Variants in AKT3 observed in about 807,000 individuals in gnomAD.
AKT3 encodes the protein RAC-gamma serine/threonine-protein kinase.
Under a neutral mutation model 65.3 loss-of-function variants are expected in AKT3, and 15 were observed. That is an observed-to-expected ratio of 0.23 (90% CI 0.15 to 0.35). The LOEUF is 0.35. Ranked by LOEUF, AKT3 falls within the 10% of genes least tolerant of loss-of-function variation. The pLI, the probability that AKT3 is intolerant of heterozygous loss-of-function variation, is 1.00. For missense variants in AKT3, 243 were observed against 576.5 expected (o/e 0.42, Z 5.92); for synonymous variants, 206 against 183.8 (o/e 1.12, Z -0.98).
intron 2 of AKT3, among the ~76,000 whole-genome samples, chr1:243,718,719 C>T (rs564267722): frequency 5.3e-5 from 8 of 152,078 alleles, no homozygotes; most frequent in South Asian, 2.1e-4. Flanking sequence ...GTGATCTGCC[C>T]GCCTCGGCCT....
intron 12 of AKT3, among the ~76,000 whole-genome samples, chr1:243,519,712 T>C (rs1456344837): frequency 6.6e-6 from 1 of 152,140 alleles, no homozygotes; most frequent in Admixed American, 6.5e-5. Context: ...AGAGCTTTCA[T>C]GAGAAATCAT....
chr1:243,609,334 C>CTGTGTG (rs72249798), intron 8 of AKT3, among the ~76,000 whole-genome samples: 10,192 of 148,078 alleles, frequency 0.069, 714 homozygotes, highest in African/African-American at 0.18. Flanking sequence ...TTTTCATTTT[C>CTGTGTG]TGTGTGTGTG....
chr1:243,846,967 A>C (rs769044801), intron 1 of AKT3, among the ~76,000 whole-genome samples: 2 of 152,228 alleles, frequency 1.3e-5, no homozygotes, highest in Admixed American at 6.5e-5. Context: ...ACTGCTTACC[A>C]GGCATTGGTT....
At position 243,602,811 on chromosome 1, in the gene AKT3, A is replaced by T. The variant is rs1677111257; in HGVS notation, c.696+10860T>A. Among the ~76,000 whole-genome samples the T allele has an allele frequency of 1.3e-5, 2 of 152,216 alleles. 1 individual carries two copies. Among genetic ancestry groups the T allele is most frequent in the African/African-American group, 4.8e-5 (2 of 41,464 alleles). On this transcript the variant is annotated intron_variant, in intron 8 of 13. Transcript: ENST00000673466. ...ATTACAACCTACATAAAGAAAATAGAGGAATGTGAAGAATTTATCAGATGA... is the reference window on the plus strand; with the variant it reads ...ATTACAACCTACATAAAGAAAATAGTGGAATGTGAAGAATTTATCAGATGA...
chr1:243,633,093 T>C (rs914114306), intron 6 of AKT3, among the ~76,000 whole-genome samples: 2 of 152,162 alleles, frequency 1.3e-5, no homozygotes, highest in African/African-American at 2.4e-5. Flanking sequence ...CAGAAGGCAA[T>C]TGGTTGATAC....
At chr1:243,700,510 T>G (rs1229078141) in intron 2 of AKT3, among the ~76,000 whole-genome samples, 1 of 151,210 alleles carries the variant, frequency 6.6e-6, no homozygotes, top group Admixed American at 6.6e-5. Context: ...TAGTCTATTT[T>G]TTTTTTTTTT....
chr1:243,670,055 C>A (rs1683060638), intron 3 of AKT3, among the ~76,000 whole-genome samples: 1 of 152,190 alleles, frequency 6.6e-6, no homozygotes, highest in Non-Finnish European at 1.5e-5. Flanking sequence ...ACTGATCATT[C>A]TACCCATGTA....
intron 6 of AKT3, among the ~76,000 whole-genome samples, chr1:243,623,816 T>C (rs1262118313): frequency 1.3e-5 from 2 of 152,216 alleles, no homozygotes; most frequent in Non-Finnish European, 2.9e-5. Context: ...CATGAGCCAA[T>C]TTCCCAGTGA....
chr1:243,624,938 C>A, intron 6 of AKT3: 2 of 246,092 alleles, frequency 8.1e-6, no homozygotes, highest in South Asian at 1.3e-4. Flanking sequence ...GACTGATAAT[C>A]ACTCTTGGTT....
intron 12 of AKT3, among the ~76,000 whole-genome samples, chr1:243,517,237 T>A (rs1384643832): frequency 6.6e-6 from 1 of 152,194 alleles, no homozygotes; most frequent in Non-Finnish European, 1.5e-5. Flanking sequence ...CAACATATGG[T>A]ACACTGTGAT....
At chr1:243,547,677 A>G (rs946783447) in intron 11 of AKT3, among the ~76,000 whole-genome samples, 3 of 152,212 alleles carry the variant, frequency 2.0e-5, no homozygotes, top group African/African-American at 7.2e-5. Context: ...GTAGGTCAGA[A>G]ATCATTTATA....
intron 12 of AKT3, among the ~76,000 whole-genome samples, chr1:243,535,859 T>C (rs1671890226): frequency 6.6e-6 from 1 of 152,200 alleles, no homozygotes. Flanking sequence ...AAGCATTCCC[T>C]TTTTACCGCA....
chr1:243,538,930 CAT>C (rs553198303), intron 12 of AKT3, among the ~76,000 whole-genome samples: 120 of 152,084 alleles, frequency 7.9e-4, no homozygotes, highest in African/African-American at 2.4e-3. Flanking sequence ...CTTCAAAACA[CAT>C]GAGGCAAAAC....
intron 2 of AKT3, among the ~76,000 whole-genome samples, chr1:243,801,500 A>C (rs1048482735): frequency 1.3e-5 from 2 of 152,216 alleles, no homozygotes; most frequent in African/African-American, 2.4e-5. Flanking sequence ...ATTTCATTTA[A>C]ACACTACTGA....
chr1:243,726,196 C>T (rs569299534), intron 2 of AKT3, among the ~76,000 whole-genome samples: 1 of 152,188 alleles, frequency 6.6e-6, no homozygotes, highest in Admixed American at 6.5e-5. Flanking sequence ...GGTTAACCCA[C>T]GCCCCAATAT....
intron 12 of AKT3, among the ~76,000 whole-genome samples, chr1:243,533,786 C>T (rs1370145408): frequency 4.0e-5 from 6 of 151,846 alleles, no homozygotes; most frequent in South Asian, 2.1e-4. Context: ...GTCAGGAGAT[C>T]GAGACCATCC....
intron 2 of AKT3, among the ~76,000 whole-genome samples, chr1:243,767,378 A>G (rs1689896453): frequency 6.6e-6 from 1 of 152,180 alleles, no homozygotes; most frequent in Non-Finnish European, 1.5e-5. Context: ...GAAGAGTTTT[A>G]TCATGCCTAT....
intron 2 of AKT3, among the ~76,000 whole-genome samples, chr1:243,698,567 G>A (rs1685210416): frequency 6.6e-6 from 1 of 151,856 alleles, no homozygotes; most frequent in African/African-American, 2.4e-5. Flanking sequence ...ATCTATAGCA[G>A]GACTTCTGGT....
chr1:243,695,640 T>C lies in AKT3; in HGVS notation c.123A>G (p.Lys41=). ...GATAAGGTAAATCCACATCTTGAGG[T>C]TTCTCTTTATATCCTATGAATGAGC... ...TDGSFIGYKE[K]PQDVDLPYPL... The change falls in exon 3 of 14, where the codon AAA becomes AAG. Residue 41 remains lysine (K), a synonymous_variant. Transcript: ENST00000673466. 6.2e-7 allele frequency: 1 copy of C among 1,607,762 alleles called. No individual in the cohort carries two copies. Among genetic ancestry groups the C allele is most frequent in the Non-Finnish European group, 8.5e-7 (1 of 1,176,236 alleles).
Sources: allele counts gnomAD v4.1 joint callset (sites outside exome capture counted in the v4.1 genomes callset), GRCh38; gene constraint gnomAD v4.1.1; transcripts MANE v1.5; gene names NCBI Gene and HGNC (gene_info 2026-07-23, HGNC 2026-07-21).